The following ANO2 variants were observed in gnomAD, a reference collection of about 807,000 sequenced individuals.
ANO2 encodes anoctamin 2.
In ANO2, 101 loss-of-function variants were observed where a neutral mutation model predicts 124.2. That is an observed-to-expected ratio of 0.81 (90% confidence interval 0.69 to 0.96). The LOEUF (loss-of-function observed/expected upper bound fraction) is 0.96, where lower values mean the gene tolerates loss of function less well. Among genes scored for constraint, ANO2 ranks in the 40% least tolerant of loss-of-function variants. ANO2 has a pLI of 0.00. For missense variants in ANO2, 1,293 were observed against 1,274.5 expected, an observed-to-expected ratio of 1.01 and a Z score of -0.22; for synonymous variants, 486 against 482.5, an observed-to-expected ratio of 1.01 and a Z score of -0.09.
At position 5,790,530 on chromosome 12, in the gene ANO2, T is replaced by C. The variant is rs548703553; in HGVS notation, c.1055+8977A>G. On this transcript the variant is annotated intron_variant, in intron 10 of 24. Coordinates refer to ENST00000682330, the MANE Select transcript of ANO2 (RefSeq NM_001364791.2). ...GTAAATCCCCCAACTATATTTCTTC[T>C]CTCCTTCAAATCTCTGCTTCCTGCT... Among the ~76,000 whole-genome samples the C allele has an allele frequency of 3.3e-5, 5 of 152,282 alleles. No individual in the cohort carries two copies. In the East Asian group the frequency reaches 9.6e-4, roughly 29 times the overall value.
chr12:5,713,708 A>C (rs1352937267), intron 14 of ANO2, among the ~76,000 whole-genome samples: 1 of 152,170 alleles, frequency 6.6e-6, no homozygotes, highest in Non-Finnish European at 1.5e-5. Context: ...TGTTACCAAG[A>C]CTCACACTGG....
chr12:5,860,879 C>T (rs1239275619), intron 3 of ANO2, among the ~76,000 whole-genome samples: 1 of 152,164 alleles, frequency 6.6e-6, no homozygotes, highest in African/African-American at 2.4e-5. Context: ...GCCTCATAGG[C>T]TTCTGGGGGT....
At chr12:5,791,622 A>G (rs540381448) in intron 10 of ANO2, among the ~76,000 whole-genome samples, 28 of 152,320 alleles carry the variant, frequency 1.8e-4, no homozygotes, top group Admixed American at 6.5e-4. Context: ...AAGTTTCTAG[A>G]GTTAGACAGG....
intron 4 of ANO2, among the ~76,000 whole-genome samples, chr12:5,851,668 G>A (rs1164835212): frequency 6.9e-6 from 1 of 144,352 alleles, no homozygotes. Flanking sequence ...CTGGGCAACA[G>A]AGCAAGACTC....
chr12:5,620,021 A>T (rs973173426), intron 16 of ANO2, among the ~76,000 whole-genome samples: 3 of 152,216 alleles, frequency 2.0e-5, no homozygotes, highest in African/African-American at 7.2e-5. Context: ...ATGCCTGTTG[A>T]ACCAGTGGTC....
chr12:5,714,861 C>G (rs550869804), intron 14 of ANO2, among the ~76,000 whole-genome samples: 10 of 152,160 alleles, frequency 6.6e-5, no homozygotes, highest in Non-Finnish European at 1.3e-4. Context: ...AAACACATTC[C>G]AAATTCAAAG....
rs757777122 is a variant in ANO2 at position 5,563,354 on chromosome 12, C to T, written c.2942G>A (p.Gly981Asp). The change falls in exon 25 of 25, where the codon GGC becomes GAC. Residue 981 changes from glycine (G) to aspartate (D), a missense_variant. Transcript: ENST00000682330. ...CATCATGCTGCCCAGCTGGCTTTGGCCTGAAGGTGCTGAGCTGGCTGCCCG... is the reference window on the plus strand; with the variant it reads ...CATCATGCTGCCCAGCTGGCTTTGGTCTGAAGGTGCTGAGCTGGCTGCCCG... ...RSRAASSAPS[G>D]QSQLGSMMSS... 1.4e-5 allele frequency: 23 copies of T among 1,604,892 alleles called. No individual in the cohort carries two copies. The African/African-American group carries it at 2.5e-4, about 18-fold the overall frequency.
intron 14 of ANO2, among the ~76,000 whole-genome samples, chr12:5,720,252 C>T (rs1355540067): frequency 1.3e-5 from 2 of 152,120 alleles, no homozygotes; most frequent in African/African-American, 2.4e-5. Context: ...AGGGCAATCC[C>T]GTCAGTTTTC....
intron 10 of ANO2, among the ~76,000 whole-genome samples, chr12:5,752,980 G>A (rs1951482690): frequency 6.6e-6 from 1 of 152,142 alleles, no homozygotes; most frequent in Admixed American, 6.5e-5. Context: ...AGTATGAACA[G>A]TTTAACAATA....
intron 20 of ANO2, among the ~76,000 whole-genome samples, chr12:5,578,964 T>C (rs1297508369): frequency 6.6e-6 from 1 of 152,190 alleles, no homozygotes; most frequent in Non-Finnish European, 1.5e-5. Context: ...CATCAACAAG[T>C]GGGCTTGGCT....
chr12:5,830,588 TAGCAAGACTTATG>T (rs1357804104), intron 5 of ANO2, 99 bp from the exon 6 acceptor site: 20 of 1,052,970 alleles, frequency 1.9e-5, no homozygotes, highest in Non-Finnish European at 2.7e-5. Context: ...GAAAGCAACA[TAGCAAGACTTATG>T]AGGTGCACAC....
chr12:5,632,718 T>C (rs1399708948), intron 16 of ANO2, among the ~76,000 whole-genome samples: 1 of 152,212 alleles, frequency 6.6e-6, no homozygotes. Flanking sequence ...ACTAAATACT[T>C]ATTAATGAGT....
intron 19 of ANO2, among the ~76,000 whole-genome samples, chr12:5,600,673 G>A (rs1316418940): frequency 6.6e-6 from 1 of 152,208 alleles, no homozygotes; most frequent in Admixed American, 6.5e-5. Context: ...ACAGGGAATG[G>A]AATTGCAGTT....
At chr12:5,931,933 G>C (rs1336012303) in intron 1 of ANO2, among the ~76,000 whole-genome samples, 11 of 120,424 alleles carry the variant, frequency 9.1e-5, no homozygotes, top group Admixed American at 5.0e-4. Flanking sequence ...GACTAATAAG[G>C]AAAGAAGGTA....
At chr12:5,627,173 CTG>C (rs1462532195) in intron 16 of ANO2, among the ~76,000 whole-genome samples, 1 of 152,214 alleles carries the variant, frequency 6.6e-6, no homozygotes, top group Non-Finnish European at 1.5e-5. Context: ...TCACAGCCTC[CTG>C]CCATCCTCTC....
intron 24 of ANO2, chr12:5,564,357 C>T (rs1941623178): frequency 6.6e-6 from 1 of 152,400 alleles, no homozygotes; most frequent in Non-Finnish European, 1.5e-5. Context: ...TATAGGACAA[C>T]AATGCCTGGC....
rs540622397 is a variant in ANO2 at position 5,711,418 on chromosome 12, G to A, written c.1545+21102C>T. Among the ~76,000 whole-genome samples the A allele has an allele frequency of 1.5e-4, 23 of 152,220 alleles. No homozygotes were observed. In the South Asian group the frequency reaches 2.1e-3, roughly 14 times the overall value. On this transcript the variant is annotated intron_variant, in intron 14 of 24. Coordinates refer to ENST00000682330, the MANE Select transcript of ANO2 (RefSeq NM_001364791.2). ...GAAAGCTTCCTGAGGCCTCCCCAGC[G>A]GCCAAGCAGATGCTGGTGCCATGCT...
At chr12:5,864,102 C>A (rs755427329) in intron 3 of ANO2, among the ~76,000 whole-genome samples, 1 of 152,102 alleles carries the variant, frequency 6.6e-6, no homozygotes, top group African/African-American at 2.4e-5. Context: ...ATGTCCTTGA[C>A]CCCTGTGGGA....
At chr12:5,728,676 A>G (rs1950529521) in intron 14 of ANO2, among the ~76,000 whole-genome samples, 1 of 152,142 alleles carries the variant, frequency 6.6e-6, no homozygotes, top group South Asian at 2.1e-4. Flanking sequence ...AACACCCAGA[A>G]TGGTCAAAAC....
Sources: allele counts gnomAD v4.1 joint callset (sites outside exome capture counted in the v4.1 genomes callset), GRCh38; gene constraint gnomAD v4.1.1; transcripts MANE v1.5; gene names NCBI Gene and HGNC (gene_info 2026-07-23, HGNC 2026-07-21).